The following LUC7L2 variants were observed in gnomAD, a reference collection of about 807,000 sequenced individuals.
LUC7L2 encodes LUC7 like 2, pre-mRNA splicing factor, also known as putative RNA-binding protein Luc7-like 2.
A neutral mutation model predicts 52.8 loss-of-function variants in LUC7L2; 25 were observed. That is an observed-to-expected ratio of 0.47 (90% CI 0.34 to 0.66). The LOEUF is 0.66. LUC7L2 is among the 30% of genes least tolerant of loss of function. The probability of loss-of-function intolerance (pLI) is 0.01; values close to 1 mark genes in which losing one functional copy is unlikely to be tolerated. For synonymous variants in LUC7L2, 144 were observed against 160.9 expected (o/e 0.89, Z 0.80); for missense variants, 328 against 497.8 (o/e 0.66, Z 3.25).
chr7:139,373,193 T>C (rs1014325821), intron 1 of LUC7L2, among the ~76,000 whole-genome samples: 14 of 152,206 alleles, frequency 9.2e-5, no homozygotes, highest in African/African-American at 3.1e-4. Flanking sequence ...TTAAAAATTA[T>C]TGTTGGTTTA....
chr7:139,386,544 A>G (rs1389047922), intron 2 of LUC7L2, among the ~76,000 whole-genome samples: 7 of 150,880 alleles, frequency 4.6e-5, no homozygotes, highest in African/African-American at 1.5e-4. Flanking sequence ...AGCTGGGACT[A>G]CAGGCGCCTG....
intron 1 of LUC7L2, chr7:139,374,711 C>T: frequency 2.3e-6 from 3 of 1,312,670 alleles, no homozygotes; most frequent in Non-Finnish European, 2.9e-6. Context: ...ATTTTATATA[C>T]CCTGGTTGCA....
upstream of LUC7L2, among the ~76,000 whole-genome samples, chr7:139,358,656 C>G (rs777292416): frequency 5.9e-5 from 9 of 152,128 alleles, no homozygotes; most frequent in African/African-American, 1.9e-4. Context: ...TTTTAAGCAA[C>G]CTTTCTTCCT....
intron 1 of LUC7L2, among the ~76,000 whole-genome samples, chr7:139,366,752 T>G (rs1052745150): frequency 8.5e-5 from 13 of 152,154 alleles, no homozygotes; most frequent in Non-Finnish European, 1.9e-4. Context: ...CCAAGTGTGG[T>G]CCTTGGAGCA....
At chr7:139,417,421 G>T in intron 8 of LUC7L2, 117 bp from the exon 9 acceptor site, 1 of 1,276,836 alleles carries the variant, frequency 7.8e-7, no homozygotes, top group East Asian at 2.4e-5. Context: ...TAGCTGACTT[G>T]GAATATAATT....
intron 2 of LUC7L2, among the ~76,000 whole-genome samples, chr7:139,393,192 G>T (rs901592391): frequency 2.6e-5 from 4 of 151,982 alleles, no homozygotes; most frequent in Non-Finnish European, 5.9e-5. Context: ...GCTTGAACCT[G>T]GGAGGCAGAG....
In LUC7L2 at chr7:139,385,311, C is replaced by CT. The variant is rs58744665; in HGVS notation, c.156+9181dup. 9.5e-3 allele frequency among the ~76,000 whole-genome samples: 1,124 copies of CT among 118,532 alleles called. 10 individuals are homozygous for CT. Among genetic ancestry groups the CT allele is most frequent in the Non-Finnish European group, 0.013 (740 of 55,418 alleles). The allele number at this position is 118,532 out of a possible 152,430, so 77.8% of individuals were successfully genotyped here. ...GTCTTGAATCTATCAGTTAGGATTA[C>CT]TTTTTTTTTTTTTTTTTTTTTTTTT... is the stretch of plus-strand genomic sequence containing the variant. On this transcript the variant is annotated intron_variant, in intron 2 of 9. Transcript: ENST00000354926.
intron 2 of LUC7L2, among the ~76,000 whole-genome samples, chr7:139,376,828 G>GAGCT (rs1443265914): frequency 1.3e-5 from 2 of 152,180 alleles, no homozygotes; most frequent in Admixed American, 6.5e-5. Flanking sequence ...TGCTGGTGGG[G>GAGCT]AGCTAGTAGG....
chr7:139,385,535 C>T (rs1346294862), intron 2 of LUC7L2, among the ~76,000 whole-genome samples: 1 of 151,974 alleles, frequency 6.6e-6, no homozygotes, highest in Non-Finnish European at 1.5e-5. Context: ...TGTCCAGGCT[C>T]TTCTCAAACT....
At chr7:139,375,480 A>G (rs1265805347) in intron 1 of LUC7L2, 1 of 985,378 alleles carries the variant, frequency 1.0e-6, no homozygotes, top group African/African-American at 1.7e-5. Context: ...TAAACGCGTT[A>G]TTCTACCCTC....
In LUC7L2 at chr7:139,359,896, T is replaced by C. The variant is rs1274638767; in HGVS notation, c.-366T>C. 4.8e-6 allele frequency: 2 copies of C among 417,030 alleles called. No individual in the cohort carries two copies. The highest frequency in any genetic ancestry group is 4.2e-6 in the Non-Finnish European group (1 of 235,520). The allele number at this position is 417,030 out of a possible 1,614,324, so 25.8% of individuals were successfully genotyped here. A position where few individuals can be genotyped will look rare whatever the true frequency, so the allele number is the denominator to read the frequency against. On this transcript the variant is annotated 5_prime_UTR_variant, in exon 1 of 10. Transcript: ENST00000354926. ...GACTGAGCGCGAGGAGCGTGCGCGC[T>C]CCCGTCGTGGCGACGGTGGCGGCGA...
chr7:139,420,326 C>A (rs1795839493), intron 9 of LUC7L2, among the ~76,000 whole-genome samples: 1 of 152,186 alleles, frequency 6.6e-6, no homozygotes, highest in Admixed American at 6.5e-5. Flanking sequence ...GCCTCGGCCT[C>A]CCAAGTAGCT....
At chr7:139,403,493 A>G (rs945768341) in intron 4 of LUC7L2, among the ~76,000 whole-genome samples, 1 of 152,212 alleles carries the variant, frequency 6.6e-6, no homozygotes, top group Non-Finnish European at 1.5e-5. Context: ...CGTTTGAGAA[A>G]AGGGTTGCTT....
At chr7:139,377,110 A>G (rs952392633) in intron 2 of LUC7L2, among the ~76,000 whole-genome samples, 3 of 152,250 alleles carry the variant, frequency 2.0e-5, no homozygotes, top group Admixed American at 6.5e-5. Context: ...ATTTTAAAGT[A>G]TAATACTACA....
chr7:139,412,693 T>A, intron 8 of LUC7L2, 113 bp downstream of exon 8: 1 of 1,259,452 alleles, frequency 7.9e-7, no homozygotes, highest in Non-Finnish European at 1.1e-6. Flanking sequence ...CTGGGCACGG[T>A]GATGCATGCT....
At chr7:139,394,574 A>G (rs1168954809) in intron 2 of LUC7L2, among the ~76,000 whole-genome samples, 1 of 152,250 alleles carries the variant, frequency 6.6e-6, no homozygotes, top group Non-Finnish European at 1.5e-5. Context: ...AAAAACAATG[A>G]GGCAAAATTT....
intron 2 of LUC7L2, chr7:139,392,531 CA>C: frequency 3.6e-6 from 1 of 274,302 alleles, no homozygotes. Flanking sequence ...ATGGAGAAGA[CA>C]AAATGCAGAA....
intron 2 of LUC7L2, among the ~76,000 whole-genome samples, chr7:139,397,798 T>C (rs534801771): frequency 9.2e-5 from 14 of 152,302 alleles, no homozygotes; most frequent in South Asian, 2.1e-4. Context: ...GTTTGGTAAA[T>C]AACACCTAAT....
In LUC7L2 at chr7:139,417,634, C is replaced by T. The variant is rs1795681513; in HGVS notation, c.906C>T (p.Arg302=). The change falls in exon 9 of 10, where the codon CGC becomes CGT. Residue 302 remains arginine (R), a synonymous_variant. Transcript: ENST00000354926. The stretch of plus-strand genomic sequence containing the variant: ...CCAAATCTCGGGAGAAACGCCATCG[C>T]CACAGGTCCCGCTCCAGCAGCCGTA... The part of the protein sequence containing the change: ...TRSKSREKRH[R]HRSRSSSRSR... The T allele has an allele frequency of 6.2e-7, 1 of 1,614,200 alleles. No homozygotes were observed. Among genetic ancestry groups the T allele is most frequent in the Non-Finnish European group, 8.5e-7 (1 of 1,180,042 alleles).
Sources: gnomAD v4.1 joint callset for allele counts (sites outside exome capture counted in the v4.1 genomes callset) on GRCh38, gnomAD v4.1.1 for gene constraint, MANE v1.5 for transcripts, NCBI Gene and HGNC (gene_info 2026-07-23, HGNC 2026-07-21) for gene names.